Variants in LRTM2 observed in about 807,000 individuals in gnomAD.
LRTM2 encodes leucine-rich repeat and transmembrane domain-containing protein 2.
Under a neutral mutation model 28.1 loss-of-function variants are expected in LRTM2, and 18 were observed. The ratio of observed to expected loss-of-function variants is 0.64; its 90% CI spans 0.44 to 0.95. The LOEUF is 0.95. Ranked by LOEUF, LRTM2 falls within the 40% of genes least tolerant of loss-of-function variation. LRTM2 has a pLI of 0.00. For missense variants in LRTM2, 436 were observed against 497.2 expected (o/e 0.88, Z 1.17); for synonymous variants, 250 against 218.7 (o/e 1.14, Z -1.26).
Position 1,828,333 on chromosome 12 carries a change from ATCT to A in LRTM2, c.67+121_67+123del, listed in dbSNP as rs1864451197. The A allele has an allele frequency of 1.1e-6, 1 of 904,158 alleles. No homozygotes were observed. The highest frequency in any genetic ancestry group is 3.2e-5 in the Admixed American group (1 of 31,520). The allele number at this position is 904,158 out of a possible 1,614,324, so 56.0% of individuals were successfully genotyped here. A position where few individuals can be genotyped will look rare whatever the true frequency, so the allele number is the denominator to read the frequency against. On this transcript the variant is annotated intron_variant, in intron 3 of 4. Coordinates refer to ENST00000299194, the MANE Select transcript of LRTM2 (RefSeq NM_001039029.3). This position sits in a 1 kb window ranked among gnomAD's most constrained non-coding sequence, Gnocchi z 4.2. ...CAGGCTGCAGGGAGGCCTACGCCAGATCTTCCTGGGGTACCCGAGGCTATGTTC... is the reference window on the plus strand; with the variant it reads ...CAGGCTGCAGGGAGGCCTACGCCAGATCCTGGGGTACCCGAGGCTATGTTC...
At chr12:1,825,246 G>C (rs1312229918) in intron 1 of LRTM2, among the ~76,000 whole-genome samples, 5 of 152,192 alleles carry the variant, frequency 3.3e-5, no homozygotes, top group Admixed American at 6.5e-5. Flanking sequence ...ATGGGAGAGG[G>C]TGAGGTGGGA....
intron 1 of LRTM2, among the ~76,000 whole-genome samples, chr12:1,821,675 A>G (rs1864108916): frequency 1.3e-5 from 2 of 152,156 alleles, no homozygotes; most frequent in Non-Finnish European, 2.9e-5. Context: ...CACAGGGGGC[A>G]TGGACACCCT....
chr12:1,830,942 C>G lies in LRTM2; in HGVS notation c.75C>G (p.Thr25=), dbSNP rs1204537126. The G allele has an allele frequency of 6.3e-7, 1 of 1,598,606 alleles. No homozygotes were observed. Among genetic ancestry groups the G allele is most frequent in the Admixed American group, 1.7e-5 (1 of 59,328 alleles). The change falls in exon 4 of 5, where the codon ACC becomes ACG. Residue 25 remains threonine, a synonymous_variant. Transcript: ENST00000299194. Reference sequence around the variant, plus strand: ...TCTGTCCCTCCCACCAAGGGATCACCTGCTGGATCGCCCTGTATGCTGTGG... The same window carrying G: ...TCTGTCCCTCCCACCAAGGGATCACGTGCTGGATCGCCCTGTATGCTGTGG... The part of the protein sequence containing the change: ...ALQWRQVSWI[T]CWIALYAVEA...
At chr12:1,826,710 G>GT (rs761843230) in intron 1 of LRTM2, among the ~76,000 whole-genome samples, 4 of 152,160 alleles carry the variant, frequency 2.6e-5, no homozygotes, top group Non-Finnish European at 5.9e-5. Context: ...CCTTGCCGGG[G>GT]GCAGAGCCGA....
intron 1 of LRTM2, among the ~76,000 whole-genome samples, chr12:1,825,395 C>T (rs191419882): frequency 3.9e-4 from 60 of 152,312 alleles, no homozygotes; most frequent in African/African-American, 1.2e-3. Context: ...ATGGGGAATC[C>T]GGCCTCAACA....
At chr12:1,821,070 G>A (rs1864079868) in intron 1 of LRTM2, among the ~76,000 whole-genome samples, 1 of 152,236 alleles carries the variant, frequency 6.6e-6, no homozygotes, top group African/African-American at 2.4e-5. Flanking sequence ...AAGTGGGGAG[G>A]AGGGCAGCGC....
At chr12:1,831,993 T>A in intron 4 of LRTM2, among the ~76,000 whole-genome samples, 1 of 152,232 alleles carries the variant, frequency 6.6e-6, no homozygotes, top group East Asian at 1.9e-4. Flanking sequence ...GGGAATAGAA[T>A]GAATCCTCAG....
At chr12:1,826,411 C>G (rs4564390) in intron 1 of LRTM2, among the ~76,000 whole-genome samples, 7,086 of 102,702 alleles carry the variant, frequency 0.069, 866 homozygotes, top group African/African-American at 0.29. Context: ...CCCCCCCCCC[C>G]CCCCCGCCAA....
intron 1 of LRTM2, chr12:1,823,216 T>G (rs1254343256): frequency 6.6e-6 from 1 of 152,516 alleles, no homozygotes; most frequent in African/African-American, 2.4e-5. Flanking sequence ...CTTGGATGCT[T>G]GATGTGGAGG....
rs1056741550 is a variant in LRTM2, at chr12:1,820,656, G to A, written c.-417G>A. The A allele has an allele frequency of 1.3e-5, 2 of 152,358 alleles. No homozygotes were observed. The highest frequency in any genetic ancestry group is 1.9e-4 in the East Asian group (1 of 5,204). The allele number at this position is 152,358 out of a possible 1,614,324, so 9.4% of individuals were successfully genotyped here. ...TCCACCTCCTGGTGCTGTGTGCTGCGTGCCAGCCGCTGCTCCCGCTGAGTG... is the reference window on the plus strand; with the variant it reads ...TCCACCTCCTGGTGCTGTGTGCTGCATGCCAGCCGCTGCTCCCGCTGAGTG... On this transcript the variant is annotated 5_prime_UTR_variant, in exon 1 of 5. The change creates a new upstream start codon in the 5' untranslated region. Transcript: ENST00000299194. The surrounding 1 kb of genome is among the most constrained non-coding windows in gnomAD (Gnocchi z 6.0).
intron 4 of LRTM2, among the ~76,000 whole-genome samples, chr12:1,831,764 C>T (rs1864643477): frequency 6.6e-6 from 1 of 150,744 alleles, no homozygotes; most frequent in Non-Finnish European, 1.5e-5. Flanking sequence ...CCCTCCCCTC[C>T]CTGCTCTGCA....
chr12:1,826,046 C>T (rs1212964642), intron 1 of LRTM2, among the ~76,000 whole-genome samples: 1 of 152,166 alleles, frequency 6.6e-6, no homozygotes, highest in Non-Finnish European at 1.5e-5. Flanking sequence ...ACATAGACTC[C>T]ACAGGCCCGG....
rs140122267 is a variant in LRTM2, at chr12:1,833,547, G to A, written c.659-720G>A. ...ACACCAGCCTCCTCTCCTTGGCCTCGTGTGCCTCCAGGATTCCCCCTCCAG... is the reference window on the plus strand; with the variant it reads ...ACACCAGCCTCCTCTCCTTGGCCTCATGTGCCTCCAGGATTCCCCCTCCAG... On this transcript the variant is annotated intron_variant, in intron 4 of 4. Coordinates refer to ENST00000299194, the MANE Select transcript of LRTM2 (RefSeq NM_001039029.3). The surrounding 1 kb of genome is among the most constrained non-coding windows in gnomAD (Gnocchi z 4.2). Among the ~76,000 whole-genome samples, 12 of 152,278 alleles carry A rather than the reference G, an allele frequency of 7.9e-5. No individual in the cohort carries two copies. In the East Asian group the frequency reaches 1.9e-3, roughly 24 times the overall value.
In LRTM2 at chr12:1,834,942, G is replaced by A. The variant is rs947474117; in HGVS notation, c.*221G>A. The A allele has an allele frequency of 5.0e-6, 4 of 800,260 alleles. No homozygotes were observed. Among genetic ancestry groups the A allele is most frequent in the Non-Finnish European group, 7.5e-6 (4 of 531,998 alleles). The allele number at this position is 800,260 out of a possible 1,614,324, so 49.6% of individuals were successfully genotyped here. A position where few individuals can be genotyped will look rare whatever the true frequency, so the allele number is the denominator to read the frequency against. On this transcript the variant is annotated 3_prime_UTR_variant, in exon 5 of 5. Transcript: ENST00000299194. This position sits in a 1 kb window ranked among gnomAD's most constrained non-coding sequence, Gnocchi z 7.6. ...CCTGCTGATGCTCCTGTCTGGGCCA[G>A]TAAATCTTTGGAACATGTGGGGGAT... is the stretch of plus-strand genomic sequence containing the variant.
intron 1 of LRTM2, among the ~76,000 whole-genome samples, chr12:1,825,865 ACAAGTGAT>A (rs1864295247): frequency 6.6e-6 from 1 of 152,180 alleles, no homozygotes; most frequent in Non-Finnish European, 1.5e-5. Flanking sequence ...GTGACCTTGG[ACAAGTGAT>A]CAACATCTCT....
At chr12:1,826,836 A>T (rs552247550) in intron 1 of LRTM2, among the ~76,000 whole-genome samples, 6 of 152,286 alleles carry the variant, frequency 3.9e-5, no homozygotes, top group African/African-American at 1.4e-4. Flanking sequence ...CAGGACCCTA[A>T]TGCCCGAGGG....
chr12:1,827,263 G>C (rs1414809076), intron 1 of LRTM2, 147 bp from the exon 2 acceptor site: 1 of 136,464 alleles, frequency 7.3e-6, no homozygotes, highest in East Asian at 2.4e-4. Flanking sequence ...CTGTGTCCCA[G>C]TTGGGAGACA....
At position 1,831,068 on chromosome 12, in the gene LRTM2, C is replaced by T. The variant is rs375383982; in HGVS notation, c.201C>T (p.Pro67=). 1.1e-4 allele frequency: 171 copies of T among 1,614,030 alleles called. No individual in the cohort carries two copies. The Middle Eastern group carries it at 2.0e-3, about 19-fold the overall frequency. The change falls in exon 4 of 5, where the codon CCC becomes CCT. Residue 67 remains proline, a synonymous_variant. Transcript: ENST00000299194. ...TCACCACGGTGCCCCCAGACGTGCCCGCAGCCACCCGAACCCTCTTGCTCT... is the reference window on the plus strand; with the variant it reads ...TCACCACGGTGCCCCCAGACGTGCCTGCAGCCACCCGAACCCTCTTGCTCT... ...LGLTTVPPDV[P]AATRTLLLLN...
chr12:1,823,968 A>C (rs1864215658), intron 1 of LRTM2, among the ~76,000 whole-genome samples: 1 of 152,226 alleles, frequency 6.6e-6, no homozygotes, highest in African/African-American at 2.4e-5. Context: ...TCAGAGCCAT[A>C]TGATTCCATT....
Sources: allele counts gnomAD v4.1 joint callset (sites outside exome capture counted in the v4.1 genomes callset), GRCh38; gene constraint gnomAD v4.1.1; non-coding constraint Gnocchi (gnomAD v3.1); transcripts MANE v1.5; gene names NCBI Gene and HGNC (gene_info 2026-07-23, HGNC 2026-07-21).